Variants in NAA11 observed in about 807,000 individuals in gnomAD.
NAA11 encodes the protein N-alpha-acetyltransferase 11, NatA catalytic subunit, also known as N-alpha-acetyltransferase 11.
In NAA11, 15 loss-of-function variants were observed where a neutral mutation model predicts 16.1. The observed-to-expected ratio is 0.93, with a 90% CI of 0.62 to 1.44. The LOEUF is 1.44. Ranked by LOEUF, NAA11 falls within the 40% of genes most tolerant of loss-of-function variation. The pLI is 0.00. For missense variants in NAA11, 298 were observed against 291.3 expected (o/e 1.02, Z -0.17); for synonymous variants, 122 against 112.4 (o/e 1.09, Z -0.54).
At chr4:79,204,423 A>G in the NAA11 span, among the ~76,000 whole-genome samples, 1 of 151,826 alleles carries the variant, frequency 6.6e-6, no homozygotes, top group Admixed American at 6.6e-5. Flanking sequence ...ATTATTCTAT[A>G]CCTAACGTAT....
chr4:79,225,816 T>C (rs996314363), exon 3 of NAA11: 1 of 152,078 alleles, frequency 6.6e-6, no homozygotes, highest in Non-Finnish European at 1.5e-5. Flanking sequence ...ATACAGATTA[T>C]AGGCTGCAGG....
intron 2 of NAA11, among the ~76,000 whole-genome samples, chr4:79,266,982 CA>C (rs1267709631): frequency 2.0e-5 from 3 of 152,064 alleles, no homozygotes; most frequent in Non-Finnish European, 4.4e-5. Context: ...CAGTGAAAGA[CA>C]AAAAGCATGT....
At chr4:79,161,959 G>A in the NAA11 span, among the ~76,000 whole-genome samples, 1 of 152,178 alleles carries the variant, frequency 6.6e-6, no homozygotes, top group Non-Finnish European at 1.5e-5. Flanking sequence ...GGGATTAGAG[G>A]CGTGAGCCAC....
intron 1 of NAA11, among the ~76,000 whole-genome samples, chr4:79,303,938 A>T (rs1166629508): frequency 6.6e-6 from 1 of 152,124 alleles, no homozygotes; most frequent in African/African-American, 2.4e-5. Flanking sequence ...TTTTGTTTTT[A>T]ATATATGATT....
chr4:79,308,985 C>T (rs1723673731), intron 1 of NAA11, among the ~76,000 whole-genome samples: 1 of 152,116 alleles, frequency 6.6e-6, no homozygotes, highest in Admixed American at 6.5e-5. Context: ...ATAATGGCAT[C>T]ATCTTCTTTT....
chr4:79,213,252 T>C, the NAA11 span, among the ~76,000 whole-genome samples: 1 of 152,144 alleles, frequency 6.6e-6, no homozygotes, highest in Admixed American at 6.6e-5. Context: ...TTCAGTTATT[T>C]TGCTACATGC....
At chr4:79,187,902 G>C in the NAA11 span, among the ~76,000 whole-genome samples, 15 of 151,320 alleles carry the variant, frequency 9.9e-5, no homozygotes, top group Admixed American at 6.6e-5. Context: ...GGGAGGCTGA[G>C]GCAGGAGAAT....
At chr4:79,210,968 G>A in the NAA11 span, among the ~76,000 whole-genome samples, 7 of 152,304 alleles carry the variant, frequency 4.6e-5, no homozygotes, top group South Asian at 1.5e-3. Context: ...GTGACTTGCA[G>A]ATAGTAGTCA....
intron 2 of NAA11, among the ~76,000 whole-genome samples, chr4:79,283,545 A>G (rs1181459457): frequency 1.3e-5 from 2 of 152,098 alleles, no homozygotes; most frequent in Non-Finnish European, 2.9e-5. Flanking sequence ...GATTGCTTCT[A>G]TTTTAATCAG....
intron 2 of NAA11, among the ~76,000 whole-genome samples, chr4:79,238,606 T>C (rs770706072): frequency 6.6e-6 from 1 of 152,116 alleles, no homozygotes; most frequent in Non-Finnish European, 1.5e-5. Context: ...TAATGCTTTC[T>C]TGGGGAGTAC....
chr4:79,251,637 TA>T (rs34614778), intron 2 of NAA11, among the ~76,000 whole-genome samples: 104,797 of 149,780 alleles, frequency 0.7, 38,262 homozygotes, highest in East Asian at 0.89. Flanking sequence ...AAAAGTGAAT[TA>T]AAAAAAAAAA....
intron 2 of NAA11, among the ~76,000 whole-genome samples, chr4:79,266,229 C>T (rs1387844110): frequency 1.3e-5 from 2 of 152,168 alleles, no homozygotes; most frequent in Non-Finnish European, 2.9e-5. Context: ...CCATTATGAT[C>T]GGCACTCGCA....
the NAA11 span, among the ~76,000 whole-genome samples, chr4:79,158,344 A>G: frequency 3.9e-5 from 6 of 152,026 alleles, no homozygotes; most frequent in African/African-American, 1.4e-4. Flanking sequence ...CAAATCAAGA[A>G]CTCAACCCCT....
intron 2 of NAA11, among the ~76,000 whole-genome samples, chr4:79,233,321 A>T (rs1397595994): frequency 1.3e-5 from 2 of 151,642 alleles, no homozygotes; most frequent in Non-Finnish European, 2.9e-5. Flanking sequence ...CTCCAAAATC[A>T]CCTCTACTAA....
chr4:79,198,111 C>T, the NAA11 span, among the ~76,000 whole-genome samples: 1 of 151,950 alleles, frequency 6.6e-6, no homozygotes, highest in South Asian at 2.1e-4. Context: ...TTAAACAGAT[C>T]TCATGTCTGC....
At chr4:79,219,372 A>G in the NAA11 span, among the ~76,000 whole-genome samples, 1 of 152,164 alleles carries the variant, frequency 6.6e-6, no homozygotes, top group African/African-American at 2.4e-5. Context: ...GACAGCTCAA[A>G]TAAGGCCTAA....
chr4:79,168,830 A>T, the NAA11 span, among the ~76,000 whole-genome samples: 1 of 152,138 alleles, frequency 6.6e-6, no homozygotes, highest in East Asian at 1.9e-4. Flanking sequence ...TTGCCTGTTC[A>T]CTCTGATGAT....
chr4:79,325,889 G>A lies in NAA11; in HGVS notation c.-12C>T. The A allele has an allele frequency of 2.5e-6, 4 of 1,595,178 alleles. No individual in the cohort carries two copies. Among genetic ancestry groups the A allele is most frequent in the Non-Finnish European group, 3.4e-6 (4 of 1,169,708 alleles). The stretch of plus-strand genomic sequence containing the variant: ...TTGCGGATGTTCATAATGGCAGAGG[G>A]TAGGGAACCGGTTGGACTGCAGTGA... On this transcript the variant is annotated 5_prime_UTR_variant, in exon 1 of 2. Coordinates refer to ENST00000286794, the MANE Select transcript of NAA11 (RefSeq NM_032693.3).
intron 1 of NAA11, among the ~76,000 whole-genome samples, chr4:79,310,307 G>A (rs1399029065): frequency 6.6e-6 from 1 of 152,216 alleles, no homozygotes; most frequent in East Asian, 1.9e-4. Context: ...GGAAGTGGAT[G>A]AAACAATATT....
Sources: gnomAD v4.1 joint callset for allele counts (sites outside exome capture counted in the v4.1 genomes callset) on GRCh38, gnomAD v4.1.1 for gene constraint, MANE v1.5 for transcripts, NCBI Gene and HGNC (gene_info 2026-07-23, HGNC 2026-07-21) for gene names.